MALL: variants seen among roughly 807,000 people sequenced by gnomAD.
MALL encodes mal, T cell differentiation protein like.
Under a neutral mutation model 10.3 loss-of-function variants are expected in MALL, and 2 were observed. The ratio of observed to expected loss-of-function variants is 0.19; its 90% CI spans 0.08 to 0.61. The LOEUF is 0.61. Among genes scored for constraint, MALL ranks in the 20% least tolerant of loss-of-function variants. The pLI is 0.88. For synonymous variants in MALL, 27 were observed against 51.8 expected, an observed-to-expected ratio of 0.52 and a Z score of 2.05; for missense variants, 39 against 115.2, an observed-to-expected ratio of 0.34 and a Z score of 3.03.
At chr2:110,117,923 A>C (rs1301508241), upstream of MALL, among the ~76,000 whole-genome samples, 1 of 151,954 alleles carries the variant, frequency 6.6e-6, no homozygotes, top group Non-Finnish European at 1.5e-5. Flanking sequence ...TCTTTTGGAG[A>C]TGTCTTTGTC....
chr2:110,105,810 C>A (rs1018994097), intron 1 of MALL, among the ~76,000 whole-genome samples: 2 of 152,174 alleles, frequency 1.3e-5, no homozygotes, highest in African/African-American at 2.4e-5. Flanking sequence ...CCCACCCATT[C>A]ACTTTCAGTC....
chr2:110,113,607 G>GA (rs1678851923), intron 1 of MALL, among the ~76,000 whole-genome samples: 1 of 151,668 alleles, frequency 6.6e-6, no homozygotes, highest in Admixed American at 6.6e-5. Flanking sequence ...CACAAAAAAA[G>GA]AAAAAAACCT....
At chr2:110,106,079 G>A (rs145966173) in intron 1 of MALL, among the ~76,000 whole-genome samples, 8 of 152,270 alleles carry the variant, frequency 5.3e-5, no homozygotes, top group East Asian at 3.9e-4. Context: ...CAAACAAAGA[G>A]TTTGCATGGT....
At chr2:110,108,718 C>A (rs1678744177) in intron 1 of MALL, among the ~76,000 whole-genome samples, 1 of 152,076 alleles carries the variant, frequency 6.6e-6, no homozygotes, top group Non-Finnish European at 1.5e-5. Flanking sequence ...ACAAAAAGAT[C>A]TTTGCCTAGG....
intron 1 of MALL, among the ~76,000 whole-genome samples, chr2:110,096,819 C>T (rs2104380995): frequency 6.6e-6 from 1 of 152,120 alleles, no homozygotes; most frequent in Non-Finnish European, 1.5e-5. Context: ...TCCATTGCCA[C>T]CTCCAGGTTA....
chr2:110,090,437 G>T (rs2104376135), intron 2 of MALL, among the ~76,000 whole-genome samples: 1 of 89,320 alleles, frequency 1.1e-5, no homozygotes, highest in East Asian at 4.3e-4. Flanking sequence ...AACTGTTGTG[G>T]CACTGCAGTG....
In MALL at chr2:110,097,549, G is replaced by C. The variant is rs371498451; in HGVS notation, c.106-5779C>G. ...CATGGGTGGGAGAGGGGCTGCTGCAGGGGCCGGGATCACACACTGAGGTTC... is the reference window on the plus strand; with the variant it reads ...CATGGGTGGGAGAGGGGCTGCTGCACGGGCCGGGATCACACACTGAGGTTC... On this transcript the variant is annotated intron_variant, in intron 1 of 3. Coordinates refer to ENST00000272462, the MANE Select transcript of MALL (RefSeq NM_005434.5). 1.2e-4 allele frequency: 54 copies of C among 456,578 alleles called. No homozygotes were observed. The East Asian group carries it at 3.6e-3, about 31-fold the overall frequency. The allele number at this position is 456,578 out of a possible 1,614,324, so 28.3% of individuals were successfully genotyped here.
At chr2:110,113,143 G>A (rs1678840332) in intron 1 of MALL, among the ~76,000 whole-genome samples, 1 of 151,578 alleles carries the variant, frequency 6.6e-6, no homozygotes, top group South Asian at 2.1e-4. Flanking sequence ...AGGGATAAAA[G>A]ACTACAAATA....
At chr2:110,117,779 C>G (rs887119730), upstream of MALL, among the ~76,000 whole-genome samples, 2 of 152,056 alleles carry the variant, frequency 1.3e-5, no homozygotes, top group Admixed American at 1.3e-4. Context: ...ATTGCCACCA[C>G]CACTGTCACG....
chr2:110,102,742 C>T (rs915531822), intron 1 of MALL, among the ~76,000 whole-genome samples: 2 of 152,140 alleles, frequency 1.3e-5, no homozygotes, highest in Non-Finnish European at 2.9e-5. Context: ...CAGAAATTCT[C>T]ACAGTAGGGT....
chr2:110,096,737 AC>A, intron 1 of MALL, among the ~76,000 whole-genome samples: 1 of 151,672 alleles, frequency 6.6e-6, no homozygotes, highest in Non-Finnish European at 1.5e-5. Context: ...ACACACACAC[AC>A]ACACAATTTT....
chr2:110,101,022 G>C (rs1341529102), intron 1 of MALL, among the ~76,000 whole-genome samples: 1 of 152,100 alleles, frequency 6.6e-6, no homozygotes, highest in Admixed American at 6.5e-5. Context: ...GGGTGCTCCT[G>C]GGCAGGGCTC....
chr2:110,115,907 AC>A (rs1678910907), upstream of MALL: 2 of 429,960 alleles, frequency 4.7e-6, no homozygotes, highest in Non-Finnish European at 7.8e-6. Flanking sequence ...AAAAAAAAAA[AC>A]GTTCCAGCCG....
chr2:110,112,405 C>T (rs542997175), intron 1 of MALL, among the ~76,000 whole-genome samples: 1 of 152,120 alleles, frequency 6.6e-6, no homozygotes, highest in Non-Finnish European at 1.5e-5. Context: ...CAAACAATCC[C>T]ATCAAAAAGT....
intron 1 of MALL, among the ~76,000 whole-genome samples, chr2:110,099,295 CA>C (rs1678512280): frequency 2.0e-5 from 3 of 152,114 alleles, no homozygotes; most frequent in Non-Finnish European, 4.4e-5. Context: ...GCGTGCCTGG[CA>C]ACTCAAGTTT....
intron 1 of MALL, among the ~76,000 whole-genome samples, chr2:110,099,707 C>T (rs1218591200): frequency 2.6e-5 from 4 of 152,204 alleles, no homozygotes; most frequent in South Asian, 4.2e-4. Flanking sequence ...TCCTGGTCAA[C>T]GAGACAGAGG....
At chr2:110,097,615 T>C in intron 1 of MALL, 1 of 451,870 alleles carries the variant, frequency 2.2e-6, no homozygotes, top group Non-Finnish European at 4.5e-6. Flanking sequence ...CTGGGAACCG[T>C]GAAGGATATG....
At chr2:110,105,701 C>T (rs1439463571) in intron 1 of MALL, among the ~76,000 whole-genome samples, 2 of 152,174 alleles carry the variant, frequency 1.3e-5, no homozygotes, top group East Asian at 3.8e-4. Context: ...GATGATTTCT[C>T]CTCCTGGAAA....
intron 1 of MALL, among the ~76,000 whole-genome samples, chr2:110,110,132 C>G (rs1215079202): frequency 1.3e-5 from 2 of 151,802 alleles, no homozygotes; most frequent in Non-Finnish European, 2.9e-5. Context: ...AGAGCACAAA[C>G]AGAAAATCTA....
Sources: gnomAD v4.1 joint callset for allele counts (sites outside exome capture counted in the v4.1 genomes callset) on GRCh38, gnomAD v4.1.1 for gene constraint, MANE v1.5 for transcripts, NCBI Gene and HGNC (gene_info 2026-07-23, HGNC 2026-07-21) for gene names.